BRF1: variants seen among roughly 807,000 people sequenced by gnomAD.
BRF1 encodes the protein BRF1 general transcription factor IIIB subunit, also known as transcription factor IIIB 90 kDa subunit.
In BRF1, 59 loss-of-function variants were observed where a neutral mutation model predicts 81.7. That is an observed-to-expected ratio of 0.72 (90% CI 0.59 to 0.90). The LOEUF (loss-of-function observed/expected upper bound fraction) is 0.90, where lower values mean the gene tolerates loss of function less well. BRF1 is among the 40% of genes least tolerant of loss of function. BRF1 has a pLI of 0.00. For missense variants in BRF1, 1,050 were observed against 936.3 expected (o/e 1.12, Z -1.58); for synonymous variants, 491 against 395.6 (o/e 1.24, Z -2.86).
intron 12 of BRF1, 73 bp from the exon 13 acceptor site, chr14:105,219,305 A>C: frequency 6.3e-7 from 1 of 1,589,754 alleles, no homozygotes; most frequent in South Asian, 1.1e-5. Context: ...CGCGCTGGCC[A>C]GCGGGAAGTA....
At chr14:105,245,418 A>G (rs1204108124) in intron 5 of BRF1, among the ~76,000 whole-genome samples, 1 of 152,226 alleles carries the variant, frequency 6.6e-6, no homozygotes, top group Non-Finnish European at 1.5e-5. Context: ...AAAATAACAG[A>G]AAACTAAAAA....
chr14:105,247,904 C>A (rs950806916), intron 5 of BRF1: 13 of 985,426 alleles, frequency 1.3e-5, no homozygotes, highest in Non-Finnish European at 1.6e-5. Context: ...CAGGATTAGC[C>A]CCAGGCCGGG....
rs1254530058 is a variant in BRF1, at chr14:105,300,549, G to A, written c.81C>T (p.Ala27=). The A allele has an allele frequency of 2.2e-5, 33 of 1,522,464 alleles. No individual in the cohort carries two copies. Among genetic ancestry groups the A allele is most frequent in the Non-Finnish European group, 2.8e-5 (32 of 1,138,962 alleles). The allele number at this position is 1,522,464 out of a possible 1,614,324, so 94.3% of individuals were successfully genotyped here. A position where few individuals can be genotyped will look rare whatever the true frequency, so the allele number is the denominator to read the frequency against. ...DAARGDAVCT[A]CGSVLEDNII... ...TGTTGTCCTCCAGCACTGAGCCGCA[G>A]GCGGTGCACACCGCGTCCCCGCGCG... The change falls in exon 1 of 18, where the codon GCC becomes GCT. Residue 27 remains alanine (A), a synonymous_variant. Coordinates refer to ENST00000547530, the MANE Select transcript of BRF1 (RefSeq NM_001519.4).
At chr14:105,220,579 T>A (rs1296640317) in intron 11 of BRF1, among the ~76,000 whole-genome samples, 1 of 151,998 alleles carries the variant, frequency 6.6e-6, no homozygotes, top group Non-Finnish European at 1.5e-5. Context: ...TAGAAATGAT[T>A]CCGGAGTCCA....
At chr14:105,246,956 C>T in intron 5 of BRF1, 2 of 985,460 alleles carry the variant, frequency 2.0e-6, no homozygotes, top group Non-Finnish European at 2.4e-6. Context: ...CTTCTCACTG[C>T]ATTCCCCAAA....
intron 1 of BRF1, among the ~76,000 whole-genome samples, chr14:105,289,199 G>T (rs587704597): frequency 6.6e-6 from 1 of 151,886 alleles, no homozygotes; most frequent in Non-Finnish European, 1.5e-5. Flanking sequence ...AAAAATGAGC[G>T]GGGTATGGTA....
At chr14:105,315,496 C>T (rs1374091167), upstream of BRF1, 1 of 152,284 alleles carries the variant, frequency 6.6e-6, no homozygotes, top group Non-Finnish European at 1.5e-5. This position sits in a 1 kb window ranked among gnomAD's most constrained non-coding sequence, Gnocchi z 4.4. Context: ...GTTGTATCCT[C>T]CGTCCAGCGC....
At position 105,309,380 on chromosome 14, in the gene BRF1, T is replaced by A. The variant is rs192568409; in HGVS notation, c.-162+5942A>T. Among the ~76,000 whole-genome samples, 3 of 152,342 alleles carry A rather than the reference T, an allele frequency of 2.0e-5. No homozygotes were observed. The highest frequency in any genetic ancestry group is 2.0e-4 in the Admixed American group (3 of 15,300). On this transcript the variant is annotated intron_variant, in intron 1 of 17. Transcript: ENST00000327359. The surrounding 1 kb of genome is among the most constrained non-coding windows in gnomAD (Gnocchi z 4.0). ...GAGAATTTCCCCATGTTGCTAAAAC[T>A]GAGGCAGCGTTCCGTTTTGCTGGTT...
intron 3 of BRF1, among the ~76,000 whole-genome samples, chr14:105,268,624 AT>A (rs1259665594): frequency 1.1e-4 from 17 of 152,214 alleles, no homozygotes; most frequent in Admixed American, 1.0e-3. Flanking sequence ...CTGAGAGAGG[AT>A]TTCTTGTATC....
At chr14:105,262,091 C>T (rs1451934216) in intron 3 of BRF1, among the ~76,000 whole-genome samples, 1 of 152,230 alleles carries the variant, frequency 6.6e-6, no homozygotes, top group African/African-American at 2.4e-5. Flanking sequence ...ACTCAGCGGC[C>T]GACCAAGCAC....
intron 7 of BRF1, among the ~76,000 whole-genome samples, 161 bp downstream of exon 7, chr14:105,228,659 C>T (rs587624842): frequency 7.3e-4 from 111 of 152,222 alleles, no homozygotes; most frequent in African/African-American, 1.5e-3. Flanking sequence ...CCCACCAGCA[C>T]GTCCAAGCCA....
chr14:105,211,588 A>C, intron 16 of BRF1: 1 of 442,456 alleles, frequency 2.3e-6, no homozygotes, highest in Non-Finnish European at 4.0e-6. Flanking sequence ...TTTCCAGACC[A>C]TAGGCCTCGG....
In BRF1 at chr14:105,241,313, G is replaced by T. The variant is rs1018742474; in HGVS notation, c.646C>A (p.Arg216=). 3 of 1,612,632 alleles carry T rather than the reference G, an allele frequency of 1.9e-6. No individual in the cohort carries two copies. The highest frequency in any genetic ancestry group is 2.2e-5 in the East Asian group (1 of 44,884). ...TALRLLQRMK[R]DWMHTGRRPS... ...CGCCGGCCTGTGTGCATCCAGTCCC[G>T]CTTCATCCTCTGTAGGAGCCTCAGG... Residue 216 remains arginine, a synonymous_variant, in exon 6 of 18, where the codon CGG becomes AGG. Coordinates refer to ENST00000547530, the MANE Select transcript of BRF1 (RefSeq NM_001519.4).
rs745688763 is a variant in BRF1, at chr14:105,226,649, C to A, written c.900G>T (p.Lys300Asn). ...CCGGCGCTACCTGCTTCATCCGCAG[C>A]TTCCTCTGCCCAGCTGTGTACGAGG... Reference protein sequence around the residue: ...DPPSYTAGQRKLRMKQLEQVL... With the variant: ...DPPSYTAGQRNLRMKQLEQVL... The change falls in exon 8 of 18, where the codon AAG becomes AAT. Residue 300 changes from lysine to asparagine, a missense_variant. Coordinates refer to ENST00000547530, the MANE Select transcript of BRF1 (RefSeq NM_001519.4). The A allele has an allele frequency of 6.2e-7, 1 of 1,613,344 alleles. No individual in the cohort carries two copies. Among genetic ancestry groups the A allele is most frequent in the East Asian group, 2.2e-5 (1 of 44,882 alleles).
At chr14:105,216,176 C>G (rs951613430) in intron 15 of BRF1, among the ~76,000 whole-genome samples, 3 of 152,206 alleles carry the variant, frequency 2.0e-5, no homozygotes, top group Non-Finnish European at 2.9e-5. Flanking sequence ...CACAGAGAGA[C>G]ACACATGCAC....
In BRF1 at chr14:105,262,402, C is replaced by T. The variant is rs3784216; in HGVS notation, c.440-5853G>A. ...CTGCTGGCTGCCCTTTGTCCAGATA[C>T]CTCTGACCTCCAGGGAAGAGCCAGT... is the stretch of plus-strand genomic sequence containing the variant. On this transcript the variant is annotated intron_variant, in intron 3 of 17. Coordinates refer to ENST00000547530, the MANE Select transcript of BRF1 (RefSeq NM_001519.4). 9.2e-5 allele frequency among the ~76,000 whole-genome samples: 14 copies of T among 152,284 alleles called. No homozygotes were observed. In the East Asian group the frequency reaches 2.7e-3, roughly 29 times the overall value.
At chr14:105,305,128 C>T (rs2058149399), upstream of BRF1, among the ~76,000 whole-genome samples, 1 of 152,140 alleles carries the variant, frequency 6.6e-6, no homozygotes, top group Admixed American at 6.6e-5. Flanking sequence ...TGGCTGGGCA[C>T]AGTGGCTCAC....
rs372107909 is a variant in BRF1 at position 105,246,900 on chromosome 14, C to G, written c.545-5486G>C. The G allele has an allele frequency of 4.8e-5, 47 of 985,488 alleles. No homozygotes were observed. In the East Asian group the frequency reaches 3.5e-3, roughly 74 times the overall value. The allele number at this position is 985,488 out of a possible 1,614,324, so 61.0% of individuals were successfully genotyped here. A position where few individuals can be genotyped will look rare whatever the true frequency, so the allele number is the denominator to read the frequency against. On this transcript the variant is annotated intron_variant, in intron 5 of 17. Transcript: ENST00000547530. Reference sequence around the variant, plus strand: ...CTCAGCAATTCTATCCTGGCACCCCCGGAGACAGCTGTCGCCCAGGTCTTG... The same window carrying G: ...CTCAGCAATTCTATCCTGGCACCCCGGGAGACAGCTGTCGCCCAGGTCTTG...
upstream of BRF1, among the ~76,000 whole-genome samples, chr14:105,304,894 A>G (rs753274260): frequency 1.3e-5 from 2 of 152,228 alleles, no homozygotes; most frequent in African/African-American, 4.8e-5. Flanking sequence ...ACCTGCCCCC[A>G]TGATTCAATT....
Sources: gnomAD v4.1 joint callset for allele counts (sites outside exome capture counted in the v4.1 genomes callset) on GRCh38, gnomAD v4.1.1 for gene constraint, Gnocchi (gnomAD v3.1) non-coding constraint, MANE v1.5 for transcripts, NCBI Gene and HGNC (gene_info 2026-07-23, HGNC 2026-07-21) for gene names.